Variants in COLEC10 observed in about 807,000 individuals in gnomAD.
COLEC10 encodes collectin-10.
In COLEC10, 22 loss-of-function variants were observed where a neutral mutation model predicts 28.4. The observed-to-expected ratio is 0.78, with a 90% confidence interval of 0.55 to 1.11. The LOEUF (loss-of-function observed/expected upper bound fraction) is 1.11, where lower values mean the gene tolerates loss of function less well. COLEC10 is among the 50% of genes least tolerant of loss of function. The pLI is 0.00. For synonymous variants in COLEC10, 125 were observed against 116.1 expected, an observed-to-expected ratio of 1.08 and a Z score of -0.49; for missense variants, 361 against 344.1, an observed-to-expected ratio of 1.05 and a Z score of -0.39.
rs1306575195 is a variant in COLEC10, at chr8:119,075,940, A to G, written c.148+8511A>G. Among the ~76,000 whole-genome samples, 8 of 127,706 alleles carry G rather than the reference A, an allele frequency of 6.3e-5. No homozygotes were observed. The East Asian group carries it at 1.8e-3, about 28-fold the overall frequency. The allele number at this position is 127,706 out of a possible 152,430, so 83.8% of individuals were successfully genotyped here. A position where few individuals can be genotyped will look rare whatever the true frequency, so the allele number is the denominator to read the frequency against. Reference sequence around the variant, plus strand: ...TTGTGAGACAGAGTCTCGCTCTGTCACCTAGGCTGGAGTGCAGTGGTGCGA... The same window carrying G: ...TTGTGAGACAGAGTCTCGCTCTGTCGCCTAGGCTGGAGTGCAGTGGTGCGA... On this transcript the variant is annotated intron_variant, in intron 1 of 5. Transcript: ENST00000332843.
chr8:118,970,429 C>T, the COLEC10 span, among the ~76,000 whole-genome samples: 1 of 152,066 alleles, frequency 6.6e-6, no homozygotes. Flanking sequence ...CAAGAGTCAA[C>T]AGGTTGGTTA....
intron 2 of COLEC10, among the ~76,000 whole-genome samples, chr8:119,047,328 A>G (rs1045656581): frequency 6.6e-6 from 1 of 152,142 alleles, no homozygotes; most frequent in Non-Finnish European, 1.5e-5. Flanking sequence ...ACTCATTTCA[A>G]CTGTGGAAGT....
At chr8:119,102,707 T>C in intron 4 of COLEC10, 1 of 282,790 alleles carries the variant, frequency 3.5e-6, no homozygotes. Context: ...AAGCCCTGCC[T>C]CAGCATGCCA....
intron 4 of COLEC10, 106 bp downstream of exon 4, chr8:119,102,507 T>G (rs547901255): frequency 2.2e-6 from 2 of 915,514 alleles, no homozygotes; most frequent in African/African-American, 3.4e-5. Context: ...TTTAGTATGC[T>G]TAACCTTATT....
At chr8:118,958,593 A>C in the COLEC10 span, among the ~76,000 whole-genome samples, 7 of 152,376 alleles carry the variant, frequency 4.6e-5, no homozygotes, top group Admixed American at 4.6e-4. Context: ...CAGGAAAAAA[A>C]AAGTGTATCT....
At chr8:118,984,318 CCT>C in the COLEC10 span, among the ~76,000 whole-genome samples, 1 of 151,626 alleles carries the variant, frequency 6.6e-6, no homozygotes, top group South Asian at 2.1e-4. Context: ...AAAAACAGAC[CCT>C]GAGGCCTACT....
chr8:119,031,278 T>C (rs1563722376), intron 2 of COLEC10, among the ~76,000 whole-genome samples: 1 of 152,230 alleles, frequency 6.6e-6, no homozygotes, highest in Non-Finnish European at 1.5e-5. Flanking sequence ...TGTCAGGTAT[T>C]GGGTAGACAT....
chr8:118,970,214 G>T, the COLEC10 span, among the ~76,000 whole-genome samples: 2 of 152,014 alleles, frequency 1.3e-5, no homozygotes, highest in Non-Finnish European at 2.9e-5. Flanking sequence ...TTAATAAGTA[G>T]CCATAATCCT....
At chr8:119,024,410 A>G (rs1814151553) in intron 2 of COLEC10, among the ~76,000 whole-genome samples, 3 of 152,276 alleles carry the variant, frequency 2.0e-5, no homozygotes, top group Non-Finnish European at 2.9e-5. Flanking sequence ...GAGTCCCCTT[A>G]TAAGGCATAA....
intron 1 of COLEC10, among the ~76,000 whole-genome samples, chr8:119,008,359 C>G (rs1261254423): frequency 6.6e-6 from 1 of 150,816 alleles, no homozygotes; most frequent in Non-Finnish European, 1.5e-5. Flanking sequence ...CCATAATGAT[C>G]TGGGGTAGTA....
At chr8:119,039,371 A>C (rs1814453049) in intron 2 of COLEC10, among the ~76,000 whole-genome samples, 1 of 152,114 alleles carries the variant, frequency 6.6e-6, no homozygotes, top group Non-Finnish European at 1.5e-5. Context: ...CCCCTACTTT[A>C]AAGTTAATGC....
chr8:119,017,854 A>G (rs1299453314), intron 2 of COLEC10, among the ~76,000 whole-genome samples: 1 of 152,144 alleles, frequency 6.6e-6, no homozygotes, highest in African/African-American at 2.4e-5. Flanking sequence ...GCTAAAAATA[A>G]CTTCCTGAGA....
In COLEC10 at chr8:119,014,666, C is replaced by T. The variant is rs557157568; in HGVS notation, n.235+5113C>T. ...ATTTTCTCTGTTCTTTTCTCTCTTT[C>T]TTATCCTTTGGGTATATCCATTAGA... is the stretch of plus-strand genomic sequence containing the variant. On this transcript the variant is annotated intron_variant and non_coding_transcript_variant, in intron 2 of 6. Coordinates refer to the COLEC10 transcript ENST00000521788. Among the ~76,000 whole-genome samples, 195 of 150,916 alleles carry T rather than the reference C, an allele frequency of 1.3e-3. 4 individuals are homozygous for T. Among genetic ancestry groups the T allele is most frequent in the Middle Eastern group, 3.4e-3 (1 of 292 alleles).
intron 1 of COLEC10, among the ~76,000 whole-genome samples, chr8:119,005,562 T>A (rs1329727832): frequency 2.6e-5 from 4 of 152,130 alleles, no homozygotes; most frequent in Non-Finnish European, 5.9e-5. Flanking sequence ...TTCAGAGATG[T>A]TTTATGAACC....
At chr8:119,075,628 T>C (rs1451946061) in intron 1 of COLEC10, among the ~76,000 whole-genome samples, 2 of 152,126 alleles carry the variant, frequency 1.3e-5, no homozygotes, top group Non-Finnish European at 2.9e-5. Context: ...TTTACAAAGG[T>C]TAATCCATTA....
At chr8:119,091,462 G>A (rs1360611724) in intron 3 of COLEC10, among the ~76,000 whole-genome samples, 10 of 151,784 alleles carry the variant, frequency 6.6e-5, no homozygotes, top group Admixed American at 2.6e-4. Context: ...GGCTGAGGTA[G>A]GAGGATCGTT....
At chr8:119,099,841 A>C (rs1216258030) in intron 3 of COLEC10, among the ~76,000 whole-genome samples, 1 of 152,062 alleles carries the variant, frequency 6.6e-6, no homozygotes, top group African/African-American at 2.4e-5. Context: ...TTAGTACATG[A>C]TAGTATCTCA....
At chr8:119,041,634 A>G (rs1360323711) in intron 2 of COLEC10, among the ~76,000 whole-genome samples, 1 of 152,202 alleles carries the variant, frequency 6.6e-6, no homozygotes. Context: ...TACTGTTGTT[A>G]GGATTAAATT....
At chr8:119,081,140 CTTTAT>C (rs1358647346) in intron 1 of COLEC10, among the ~76,000 whole-genome samples, 1 of 152,008 alleles carries the variant, frequency 6.6e-6, no homozygotes, top group Non-Finnish European at 1.5e-5. Flanking sequence ...TATGCATGTT[CTTTAT>C]TTTAATCATT....
Sources: gnomAD v4.1 joint callset for allele counts (sites outside exome capture counted in the v4.1 genomes callset) on GRCh38, gnomAD v4.1.1 for gene constraint, MANE v1.5 for transcripts, NCBI Gene and HGNC (gene_info 2026-07-23, HGNC 2026-07-21) for gene names.